PTPRN: variants seen among roughly 807,000 people sequenced by gnomAD.
PTPRN encodes the protein receptor-type tyrosine-protein phosphatase-like N.
Under a neutral mutation model 108.5 loss-of-function variants are expected in PTPRN, and 70 were observed. That is an observed-to-expected ratio of 0.65 (90% CI 0.53 to 0.79). The LOEUF (loss-of-function observed/expected upper bound fraction) is 0.79. Among genes scored for constraint, PTPRN ranks in the 30% least tolerant of loss-of-function variants. The probability of loss-of-function intolerance (pLI) is 0.00; values close to 1 mark genes in which losing one functional copy is unlikely to be tolerated. For missense variants in PTPRN, 1,136 were observed against 1,295.5 expected (o/e 0.88, Z 1.89); for synonymous variants, 496 against 524.6 (o/e 0.95, Z 0.75).
At chr2:219,308,208 G>A (rs1952531093) in intron 1 of PTPRN, 1 of 268,388 alleles carries the variant, frequency 3.7e-6, no homozygotes, top group East Asian at 1.2e-4. Flanking sequence ...ATAATGGCCT[G>A]GAACTCAGAA....
At position 219,296,051 on chromosome 2, in the gene PTPRN, T is replaced by G; in HGVS notation, c.2508+175A>C. On this transcript the variant is annotated intron_variant, in intron 18 of 22. Transcript: ENST00000295718. This position sits in a 1 kb window ranked among gnomAD's most constrained non-coding sequence, Gnocchi z 6.0. ...ACACACATGTATATATGTGAATATA[T>G]GGGTATGCATATATGTGTTTATATA... 1 of 831,160 alleles carries G rather than the reference T, an allele frequency of 1.2e-6. No homozygotes were observed. Among genetic ancestry groups the G allele is most frequent in the East Asian group, 2.6e-5 (1 of 38,704 alleles). 51.5% of individuals were successfully genotyped at this position (831,160 alleles called of 1,614,324 possible). A position where few individuals can be genotyped will look rare whatever the true frequency, so the allele number is the denominator to read the frequency against.
rs1021565748 is a variant in PTPRN at position 219,307,908 on chromosome 2, A to G, written c.116-66T>C. 7 of 1,497,364 alleles carry G rather than the reference A, an allele frequency of 4.7e-6. No homozygotes were observed. In the African/African-American group the frequency reaches 9.8e-5, roughly 21 times the overall value. 92.8% of individuals were successfully genotyped at this position (1,497,364 alleles called of 1,614,324 possible). ...ACAGAGAATGGGCAGATGGGTGGACAGGCTGGGAACGGGAGAAGCAGATGC... is the reference window on the plus strand; with the variant it reads ...ACAGAGAATGGGCAGATGGGTGGACGGGCTGGGAACGGGAGAAGCAGATGC... On this transcript the variant is annotated intron_variant, in intron 1 of 22. Coordinates refer to ENST00000295718, the MANE Select transcript of PTPRN (RefSeq NM_002846.4).
chr2:219,307,499 G>A lies in PTPRN; in HGVS notation c.225C>T (p.Val75=). The A allele has an allele frequency of 6.2e-7, 1 of 1,614,198 alleles. No homozygotes were observed. Among genetic ancestry groups the A allele is most frequent in the Non-Finnish European group, 8.5e-7 (1 of 1,180,036 alleles). ...GTAAGCGTTGGAGAACTGGGGAGGT[G>A]ACTTGCAAAAGGGGCCGGGCCTGCC... ...GVGQARPLLQ[V]TSPVLQRLQG... is the part of the protein sequence containing the mutation. Residue 75 remains valine (V), a synonymous_variant, in exon 3 of 23, where the codon GTC becomes GTT. Transcript: ENST00000295718.
intron 1 of PTPRN, 112 bp from the exon 2 acceptor site, chr2:219,307,954 A>G: frequency 9.4e-7 from 1 of 1,065,130 alleles, no homozygotes; most frequent in South Asian, 1.3e-5. Flanking sequence ...TTCATTCTAA[A>G]GAAGGCCTTA....
At chr2:219,308,603 C>A (rs1952544127) in intron 1 of PTPRN, among the ~76,000 whole-genome samples, 1 of 141,364 alleles carries the variant, frequency 7.1e-6, no homozygotes, top group Non-Finnish European at 1.5e-5. Context: ...CTGTCTCTGT[C>A]CGCACAGATG....
intron 19 of PTPRN, chr2:219,294,123 A>T (rs917603942): frequency 1.3e-5 from 7 of 531,696 alleles, no homozygotes; most frequent in South Asian, 9.9e-5. Context: ...CACACCTGCC[A>T]ATGATCACTT....
rs1559302859 is a variant in PTPRN at position 219,302,677 on chromosome 2, G to T, written c.538C>A (p.Leu180Met). The change falls in exon 5 of 23, where the codon CTG becomes ATG. Residue 180 changes from leucine (L) to methionine (M), a missense_variant. Coordinates refer to ENST00000295718, the MANE Select transcript of PTPRN (RefSeq NM_002846.4). ...AGGTGCTCCAAGAGAGGCGGGAGCA[G>T]CTCAGCCTGCAGAGGGGACAGAGAG... ...SSSLSPLQAE[L>M]LPPLLEHLLL... 1.4e-5 allele frequency: 23 copies of T among 1,613,124 alleles called. No homozygotes were observed. The highest frequency in any genetic ancestry group is 1.7e-5 in the Non-Finnish European group (20 of 1,179,854).
At chr2:219,299,963 C>G in intron 9 of PTPRN, 22 bp downstream of exon 9, 1 of 1,613,484 alleles carries the variant, frequency 6.2e-7, no homozygotes, top group South Asian at 1.1e-5. Context: ...GACCAGAAAG[C>G]TTCCCAGGAT....
chr2:219,290,711 C>T lies in PTPRN; in HGVS notation c.2795-100G>A. On this transcript the variant is annotated intron_variant, in intron 21 of 22. Coordinates refer to ENST00000295718, the MANE Select transcript of PTPRN (RefSeq NM_002846.4). This position sits in a 1 kb window ranked among gnomAD's most constrained non-coding sequence, Gnocchi z 4.2. ...CCTGGAGGCAAAGAGCCTTGGAGGG[C>T]TGGGCAGAGCCTGGAGGTTGACAAC... 1.3e-6 allele frequency: 2 copies of T among 1,489,336 alleles called. No homozygotes were observed. The highest frequency in any genetic ancestry group is 1.9e-6 in the Non-Finnish European group (2 of 1,076,772). The allele number at this position is 1,489,336 out of a possible 1,614,324, so 92.3% of individuals were successfully genotyped here.
rs567755544 is a variant in PTPRN, at chr2:219,297,160, G to C, written c.2089-28C>G. ...GTGGGGGCACCACGGTCTGGCTCTG[G>C]CCCACACAGCCAGCCTGGCCTCTCT... is the stretch of plus-strand genomic sequence containing the variant. On this transcript the variant is annotated intron_variant, in intron 14 of 22. Transcript: ENST00000295718. The surrounding 1 kb of genome is among the most constrained non-coding windows in gnomAD (Gnocchi z 6.0). 6.2e-7 allele frequency: 1 copy of C among 1,612,230 alleles called. No individual in the cohort carries two copies. Among genetic ancestry groups the C allele is most frequent in the African/African-American group, 1.3e-5 (1 of 75,030 alleles).
chr2:219,302,516 A>G (rs986562458), intron 5 of PTPRN, 25 bp from the exon 6 acceptor site: 6 of 1,613,742 alleles, frequency 3.7e-6, no homozygotes, highest in Non-Finnish European at 5.1e-6. Flanking sequence ...AGATCTGGGT[A>G]AGAGCAGAAG....
intron 19 of PTPRN, chr2:219,292,805 G>A (rs1389880529): frequency 6.6e-6 from 1 of 152,214 alleles, no homozygotes; most frequent in Non-Finnish European, 1.5e-5. Context: ...TACCACCTGA[G>A]CTCCGCCTCC....
rs149332815 is a variant in PTPRN, at chr2:219,300,246, G to T, written c.1175C>A (p.Pro392Gln). 1 of 1,573,344 alleles carries T rather than the reference G, an allele frequency of 6.4e-7. No homozygotes were observed. The highest frequency in any genetic ancestry group is 8.6e-7 in the Non-Finnish European group (1 of 1,158,216). Residue 392 changes from proline to glutamine, a missense_variant, in exon 9 of 23, where the codon CCG (proline) becomes CAG (glutamine). By Grantham distance (76) the Pro-to-Gln change is moderately conservative (BLOSUM62 -1). Coordinates refer to ENST00000295718, the MANE Select transcript of PTPRN (RefSeq NM_002846.4). ...CTCTGCTGTGTCTCTGCCCTCCACCGGCCCCTCCATTGTCTGTTCAGAAGA... is the reference window on the plus strand; with the variant it reads ...CTCTGCTGTGTCTCTGCCCTCCACCTGCCCCTCCATTGTCTGTTCAGAAGA... ...GADIKKTMEG[P>Q]VEGRDTAELP...
At chr2:219,301,843 A>T in intron 6 of PTPRN, 124 bp from the exon 7 acceptor site, 1 of 1,233,664 alleles carries the variant, frequency 8.1e-7, no homozygotes, top group South Asian at 1.6e-5. Flanking sequence ...CCAGGACACC[A>T]AGAGATGCCC....
chr2:219,299,984 C>T lies in PTPRN; in HGVS notation c.1436+1G>A. 6.2e-7 allele frequency: 1 copy of T among 1,614,228 alleles called. No individual in the cohort carries two copies. Among genetic ancestry groups the T allele is most frequent in the Non-Finnish European group, 8.5e-7 (1 of 1,180,032 alleles). ...AAAGCTTCCCAGGATGCAGCCCTTA[C>T]TTCTGATCAGTGACGATGTAGCCAT... On this transcript the variant is annotated splice_donor_variant, in intron 9 of 22. Transcript: ENST00000295718. LOFTEE classifies it high-confidence loss of function.
chr2:219,306,415 C>T (rs1475820206), intron 3 of PTPRN, among the ~76,000 whole-genome samples: 1 of 152,158 alleles, frequency 6.6e-6, no homozygotes, highest in Non-Finnish European at 1.5e-5. Flanking sequence ...AAAAGAATGG[C>T]ACTCCATAGA....
Position 219,298,020 on chromosome 2 carries a change from C to T in PTPRN, c.1752G>A (p.Leu584=). 2 of 1,614,084 alleles carry T rather than the reference C, an allele frequency of 1.2e-6. No homozygotes were observed. The highest frequency in any genetic ancestry group is 2.2e-5 in the South Asian group (2 of 91,084). Residue 584 remains leucine (L), a synonymous_variant, in exon 13 of 23, where the codon CTG becomes CTA. Transcript: ENST00000295718. The part of the protein sequence containing the change: ...MRSVLLTLVA[L]AGVAGLLVAL... ...CCACCAGCAGCCCAGCCACACCTGC[C>T]AGGGCCACCAGAGTGAGCAGCACTG...
chr2:219,303,953 AC>A (rs1952421433), intron 3 of PTPRN, 122 bp from the exon 4 acceptor site: 3 of 677,498 alleles, frequency 4.4e-6, no homozygotes, highest in Non-Finnish European at 7.1e-6. Context: ...GAGTAGAGGG[AC>A]AAACTCAGTG....
At chr2:219,294,851 C>T (rs1354631033) in intron 19 of PTPRN, 124 bp downstream of exon 19, 3 of 1,006,000 alleles carry the variant, frequency 3.0e-6, no homozygotes, top group Non-Finnish European at 4.0e-6. Context: ...GGGTCTGGAG[C>T]GGGCGGCCAG....
Sources: gnomAD v4.1 joint callset for allele counts (sites outside exome capture counted in the v4.1 genomes callset) on GRCh38, gnomAD v4.1.1 for gene constraint, Gnocchi (gnomAD v3.1) non-coding constraint, MANE v1.5 for transcripts, NCBI Gene and HGNC (gene_info 2026-07-23, HGNC 2026-07-21) for gene names.